MCTP2: variants seen among roughly 807,000 people sequenced by gnomAD.
MCTP2 encodes multiple C2 and transmembrane domain containing 2, also known as multiple C2 and transmembrane domain-containing protein 2.
Under a neutral mutation model 111.6 loss-of-function variants are expected in MCTP2, and 132 were observed. That is an observed-to-expected ratio of 1.18 (90% CI 1.03 to 1.37). The LOEUF is 1.37. MCTP2 is among the 40% of genes most tolerant of loss of function. MCTP2 has a pLI of 0.00. For synonymous variants in MCTP2, 395 were observed against 387.7 expected, an observed-to-expected ratio of 1.02 and a Z score of -0.22; for missense variants, 1,183 against 1,067.9, an observed-to-expected ratio of 1.11 and a Z score of -1.50.
chr15:94,298,774 C>T (rs767997803), intron 2 of MCTP2, 44 bp downstream of exon 2: 9 of 1,321,358 alleles, frequency 6.8e-6, no homozygotes, highest in Admixed American at 2.3e-5. Context: ...CTCTCTCTCT[C>T]TCTCTCTTTC....
intron 1 of MCTP2, among the ~76,000 whole-genome samples, chr15:94,263,822 G>A (rs992899866): frequency 6.6e-6 from 1 of 152,234 alleles, no homozygotes; most frequent in Non-Finnish European, 1.5e-5. Context: ...CAAAAGTGCT[G>A]TGGGGTTATA....
intron 19 of MCTP2, among the ~76,000 whole-genome samples, 156 bp from the exon 20 acceptor site, chr15:94,457,981 G>C (rs946764306): frequency 2.0e-5 from 3 of 151,950 alleles, no homozygotes; most frequent in Non-Finnish European, 2.9e-5. Flanking sequence ...GATTTTTCTG[G>C]GGGGGGAGTC....
At chr15:94,343,336 C>G (rs1443170707) in intron 7 of MCTP2, 2 of 152,008 alleles carry the variant, frequency 1.3e-5, no homozygotes, top group African/African-American at 2.4e-5. Context: ...GACTGGAAAT[C>G]AGTAGATTAT....
chr15:94,453,838 C>T lies in MCTP2; in HGVS notation c.2251-4299C>T, dbSNP rs147654756. Among the ~76,000 whole-genome samples the T allele has an allele frequency of 4.4e-3, 674 of 152,222 alleles. 7 individuals are homozygous for T. Among genetic ancestry groups the T allele is most frequent in the African/African-American group, 0.015 (608 of 41,552 alleles). On this transcript the variant is annotated intron_variant, in intron 19 of 22. Transcript: ENST00000357742. ...CTAAGTCATAAACCTGCCAAAGAAG[C>T]CTCAACAGCTACTTTAAGAGGAAGT...
intron 10 of MCTP2, among the ~76,000 whole-genome samples, chr15:94,364,569 C>T (rs1284085291): frequency 2.6e-5 from 4 of 152,056 alleles, no homozygotes; most frequent in Admixed American, 1.3e-4. Flanking sequence ...AGAATGTTTA[C>T]GTCTTAAAGA....
At chr15:94,280,895 G>C (rs1000477823) in intron 1 of MCTP2, among the ~76,000 whole-genome samples, 6 of 152,064 alleles carry the variant, frequency 3.9e-5, no homozygotes, top group Admixed American at 3.9e-4. Context: ...TTATTGTGTG[G>C]TTTTGAGAGG....
intron 10 of MCTP2, among the ~76,000 whole-genome samples, chr15:94,365,851 G>A (rs2079155327): frequency 6.6e-6 from 1 of 152,072 alleles, no homozygotes; most frequent in African/African-American, 2.4e-5. Context: ...CCATCAATAG[G>A]CTATTGTTAA....
chr15:94,338,897 G>A (rs930397199), intron 4 of MCTP2, among the ~76,000 whole-genome samples: 1 of 152,116 alleles, frequency 6.6e-6, no homozygotes, highest in Non-Finnish European at 1.5e-5. Flanking sequence ...CAGCCATCTG[G>A]CTAAATGTTT....
intron 2 of MCTP2, among the ~76,000 whole-genome samples, chr15:94,308,924 A>C (rs2076007079): frequency 6.6e-6 from 1 of 152,248 alleles, no homozygotes; most frequent in African/African-American, 2.4e-5. Flanking sequence ...TGCTTGAGCA[A>C]GGTATATGGA....
At chr15:94,373,091 T>C (rs913915406) in intron 12 of MCTP2, among the ~76,000 whole-genome samples, 2 of 151,948 alleles carry the variant, frequency 1.3e-5, no homozygotes, top group African/African-American at 4.8e-5. Flanking sequence ...GGAGGAGGAG[T>C]GAATGCATAT....
intron 4 of MCTP2, among the ~76,000 whole-genome samples, chr15:94,316,235 G>A (rs892081215): frequency 6.7e-6 from 1 of 148,322 alleles, no homozygotes; most frequent in Non-Finnish European, 1.5e-5. Context: ...ATTATTTAAT[G>A]TATAACTATG....
Position 94,476,771 on chromosome 15 carries a change from G to C in MCTP2, c.2546G>C (p.Arg849Thr). 6.2e-7 allele frequency: 1 copy of C among 1,603,674 alleles called. No homozygotes were observed. The highest frequency in any genetic ancestry group is 8.5e-7 in the Non-Finnish European group (1 of 1,170,752). The stretch of plus-strand genomic sequence containing the variant: ...AATGAGCTACTAGACTTCCTCTCTA[G>C]GGTACCGTCTGATGTTCAAAAGGTA... ...DNNELLDFLS[R>T]VPSDVQKVQY... The change falls in exon 22 of 23, where the codon AGG becomes ACG. Residue 849 changes from arginine (R) to threonine (T), a missense_variant. Transcript: ENST00000357742.
intron 17 of MCTP2, 141 bp from the exon 18 acceptor site, chr15:94,440,035 G>A: frequency 1.1e-6 from 1 of 894,592 alleles, no homozygotes; most frequent in Admixed American, 2.2e-5. Context: ...ATCATTGTGT[G>A]TGTGCGTACC....
At position 94,272,627 on chromosome 15, in the gene MCTP2, TG is replaced by T. The variant is rs529424685; in HGVS notation, c.-65-25572del. ...TGGATACATTCAAGATTATTGTTAC[TG>T]GATCTCCAAACAGCACTTGAGACTG... On this transcript the variant is annotated intron_variant, in intron 1 of 22. Transcript: ENST00000357742. Among the ~76,000 whole-genome samples, 6 of 152,310 alleles carry T rather than the reference TG, an allele frequency of 3.9e-5. No individual in the cohort carries two copies. In the South Asian group the frequency reaches 1.2e-3, roughly 32 times the overall value.
rs1204139891 is a variant in MCTP2 at position 94,435,688 on chromosome 15, G to T, written c.2086-4488G>T. Among the ~76,000 whole-genome samples the T allele has an allele frequency of 5.5e-5, 7 of 127,238 alleles. 1 individual carries two copies. Among genetic ancestry groups the T allele is most frequent in the African/African-American group, 2.0e-4 (7 of 35,196 alleles). The allele number at this position is 127,238 out of a possible 152,430, so 83.5% of individuals were successfully genotyped here. A position where few individuals can be genotyped will look rare whatever the true frequency, so the allele number is the denominator to read the frequency against. ...GCTCTGTCGCCCAGGCTGGAGTGCAGTGGCGCGATCTCGGCTCACTGCAAG... is the reference window on the plus strand; with the variant it reads ...GCTCTGTCGCCCAGGCTGGAGTGCATTGGCGCGATCTCGGCTCACTGCAAG... On this transcript the variant is annotated intron_variant, in intron 17 of 22. Coordinates refer to ENST00000357742, the MANE Select transcript of MCTP2 (RefSeq NM_001385001.1).
chr15:94,469,023 A>G (rs1334064380), intron 20 of MCTP2, among the ~76,000 whole-genome samples: 1 of 152,200 alleles, frequency 6.6e-6, no homozygotes, highest in Non-Finnish European at 1.5e-5. Context: ...TGTCAGTCTT[A>G]ATTTGCTCAT....
At position 94,337,496 on chromosome 15, in the gene MCTP2, T is replaced by G. The variant is rs554703056; in HGVS notation, c.638-1794T>G. Reference sequence around the variant, plus strand: ...TCTTTTTATTATAGTTTTCCCCCACTTTTTTATATATATATATCAGAATGA... The same window carrying G: ...TCTTTTTATTATAGTTTTCCCCCACGTTTTTATATATATATATCAGAATGA... On this transcript the variant is annotated intron_variant, in intron 4 of 22. Transcript: ENST00000357742. Among the ~76,000 whole-genome samples the G allele has an allele frequency of 3.9e-5, 6 of 151,914 alleles. No homozygotes were observed. In the South Asian group the frequency reaches 8.3e-4, roughly 21 times the overall value.
chr15:94,386,643 T>C (rs528981293), intron 14 of MCTP2, among the ~76,000 whole-genome samples: 2 of 145,306 alleles, frequency 1.4e-5, no homozygotes, highest in Admixed American at 6.7e-5. Context: ...TTTCCCCCCC[T>C]TTTTTTTTCA....
At chr15:94,238,749 A>G (rs764661366) in intron 1 of MCTP2, among the ~76,000 whole-genome samples, 1 of 152,196 alleles carries the variant, frequency 6.6e-6, no homozygotes, top group Non-Finnish European at 1.5e-5. Context: ...AGTGCCACCT[A>G]GGCCTGGCAG....
Sources: gnomAD v4.1 joint callset for allele counts (sites outside exome capture counted in the v4.1 genomes callset) on GRCh38, gnomAD v4.1.1 for gene constraint, MANE v1.5 for transcripts, NCBI Gene and HGNC (gene_info 2026-07-23, HGNC 2026-07-21) for gene names.